Variants in CARF observed in about 807,000 individuals in gnomAD.
The protein encoded by CARF is calcium-responsive transcription factor.
In CARF, 57 loss-of-function variants were observed where a neutral mutation model predicts 82.0. That is an observed-to-expected ratio of 0.70 (90% CI 0.56 to 0.87). CARF has a LOEUF of 0.87. CARF is among the 40% of genes least tolerant of loss of function. The pLI, the probability that CARF is intolerant of heterozygous loss-of-function variation, is 0.00. For synonymous variants in CARF, 268 were observed against 290.1 expected (o/e 0.92, Z 0.77); for missense variants, 771 against 855.8 (o/e 0.90, Z 1.24).
chr2:202,918,858 T>C (rs1401261160), intron 2 of CARF, among the ~76,000 whole-genome samples: 2 of 152,212 alleles, frequency 1.3e-5, no homozygotes, highest in African/African-American at 4.8e-5. Context: ...GAAACTACTT[T>C]AATATTTTCT....
chr2:202,922,967 C>T (rs946814244), intron 2 of CARF, among the ~76,000 whole-genome samples: 50 of 151,146 alleles, frequency 3.3e-4, no homozygotes, highest in African/African-American at 1.2e-3. Flanking sequence ...GAAGGCCAGG[C>T]GAGGTGGCTC....
rs749820336 is a variant in CARF at position 202,970,040 on chromosome 2, G to A, written c.1075G>A (p.Val359Ile). 3.8e-6 allele frequency: 6 copies of A among 1,570,456 alleles called. No homozygotes were observed. Among genetic ancestry groups the A allele is most frequent in the Admixed American group, 2.1e-5 (1 of 47,270 alleles). The change falls in exon 11 of 17, where the codon GTA becomes ATA. Residue 359 changes from valine to isoleucine, a missense_variant. Transcript: ENST00000438828. ...KAFNMLKKNLVDAGGVLRWYV... is the reference protein window; with the variant it reads ...KAFNMLKKNLIDAGGVLRWYV... ...TTTTAACATGCTAAAGAAGAACTTGGTAGATGCTGGTGGTGTTCTTAGGTA... is the reference window on the plus strand; with the variant it reads ...TTTTAACATGCTAAAGAAGAACTTGATAGATGCTGGTGGTGTTCTTAGGTA...
chr2:202,916,320 A>G (rs1689647026), intron 1 of CARF, among the ~76,000 whole-genome samples: 1 of 152,070 alleles, frequency 6.6e-6, no homozygotes, highest in African/African-American at 2.4e-5. Flanking sequence ...AGCTAGGACT[A>G]TAGGTGCGCA....
In CARF at chr2:202,981,590, G is replaced by T. The variant is rs1454174707; in HGVS notation, c.1594G>T (p.Glu532Ter). The part of the protein sequence containing the change: ...SPGESITTKV[E>*]TNQTRGSLSP... The stretch of plus-strand genomic sequence containing the variant: ...AGGAGAATCAATTACCACCAAAGTG[G>T]AAACAAATCAGACCAGGGGTTCTTT... Residue 532 changes from glutamate to a stop codon, truncating the protein, a stop_gained, in exon 15 of 17, where the codon GAA (glutamate) becomes TAA (stop). Coordinates refer to ENST00000438828, the MANE Select transcript of CARF (RefSeq NM_024744.17). LOFTEE classifies it high-confidence loss of function. The T allele has an allele frequency of 6.2e-7, 1 of 1,606,754 alleles. No homozygotes were observed.
intron 8 of CARF, among the ~76,000 whole-genome samples, chr2:202,956,111 C>A (rs1156854614): frequency 2.0e-5 from 3 of 149,410 alleles, no homozygotes; most frequent in African/African-American, 7.4e-5. Context: ...GTAGAAAATT[C>A]TTCAAGGCTC....
rs762737678 is a variant in CARF, at chr2:202,981,654, C to A, written c.1658C>A (p.Ser553Ter). 6.2e-7 allele frequency: 1 copy of A among 1,611,954 alleles called. No individual in the cohort carries two copies. The highest frequency in any genetic ancestry group is 1.3e-5 in the African/African-American group (1 of 75,006). ...ACCCACTTGCTCTCCTCACTCTCCT[C>A]ATTTCAGCCCAAAATATTTACACAA... ...EPTHLLSSLS[S>*]FQPKIFTQLQ... Residue 553 changes from serine (S) to a stop codon, truncating the protein, a stop_gained, in exon 15 of 17, where the codon TCA (serine) becomes TAA (stop). Coordinates refer to ENST00000438828, the MANE Select transcript of CARF (RefSeq NM_024744.17). LOFTEE classifies it high-confidence loss of function.
intron 2 of CARF, among the ~76,000 whole-genome samples, chr2:202,922,730 G>A (rs144372398): frequency 2.0e-4 from 30 of 151,888 alleles, no homozygotes; most frequent in Admixed American, 7.2e-4. Flanking sequence ...ACTTGAACCC[G>A]GTAGGTGAAG....
chr2:202,918,628 G>C (rs1369124143), intron 2 of CARF, among the ~76,000 whole-genome samples: 1 of 152,190 alleles, frequency 6.6e-6, no homozygotes, highest in Non-Finnish European at 1.5e-5. Context: ...TGACATTCAG[G>C]ATAGTTGGGA....
chr2:202,948,531 G>C (rs1373003136), intron 5 of CARF, among the ~76,000 whole-genome samples: 6 of 151,928 alleles, frequency 3.9e-5, no homozygotes, highest in Non-Finnish European at 7.4e-5. Context: ...TGATTTATTT[G>C]AGCAGTCTTT....
chr2:202,927,539 T>C (rs1056950073), intron 3 of CARF, among the ~76,000 whole-genome samples: 1 of 152,106 alleles, frequency 6.6e-6, no homozygotes, highest in Non-Finnish European at 1.5e-5. Context: ...TTTTTGGCTT[T>C]TTTTCTTTCA....
chr2:202,974,685 G>A (rs539099237), intron 13 of CARF, among the ~76,000 whole-genome samples, 189 bp downstream of exon 13: 35 of 151,860 alleles, frequency 2.3e-4, no homozygotes, highest in African/African-American at 6.3e-4. Flanking sequence ...GATCACCTGC[G>A]GTCAGAAGTT....
intron 13 of CARF, among the ~76,000 whole-genome samples, chr2:202,975,127 A>G (rs1028948438): frequency 2.6e-5 from 4 of 151,836 alleles, no homozygotes; most frequent in African/African-American, 9.7e-5. Flanking sequence ...CCTAACCAAC[A>G]TGGCAAAACC....
chr2:202,968,799 A>G (rs1324391166), intron 10 of CARF, among the ~76,000 whole-genome samples: 2 of 152,256 alleles, frequency 1.3e-5, no homozygotes, highest in Admixed American at 6.5e-5. Context: ...AAAAACTAGT[A>G]GACAACATGA....
chr2:202,952,824 C>A, intron 6 of CARF, 145 bp downstream of exon 6: 1 of 798,186 alleles, frequency 1.3e-6, no homozygotes, highest in East Asian at 2.9e-5. Flanking sequence ...AGCTCTTTGC[C>A]CAAATAAATT....
At chr2:202,922,918 T>C (rs558163524) in intron 2 of CARF, among the ~76,000 whole-genome samples, 1 of 151,960 alleles carries the variant, frequency 6.6e-6, no homozygotes, top group African/African-American at 2.4e-5. Flanking sequence ...TAAAGACTCC[T>C]CCAGAAAGCT....
chr2:202,933,476 C>A (rs912300060), intron 3 of CARF, among the ~76,000 whole-genome samples: 1 of 152,112 alleles, frequency 6.6e-6, no homozygotes, highest in Non-Finnish European at 1.5e-5. Context: ...TGCAGGGAAC[C>A]TCAGTGGTGA....
At chr2:202,951,795 A>G (rs577194562) in intron 5 of CARF, among the ~76,000 whole-genome samples, 50 of 152,014 alleles carry the variant, frequency 3.3e-4, no homozygotes, top group Non-Finnish European at 6.5e-4. Flanking sequence ...ATGCTGAGAT[A>G]CCAAAATAAA....
At chr2:202,944,971 T>C (rs771113526) in intron 5 of CARF, among the ~76,000 whole-genome samples, 2 of 152,184 alleles carry the variant, frequency 1.3e-5, no homozygotes, top group Non-Finnish European at 1.5e-5. Flanking sequence ...TTTACATTGT[T>C]TAGGTAGGCG....
At chr2:202,939,338 A>G (rs2058104446) in intron 3 of CARF, among the ~76,000 whole-genome samples, 1 of 152,204 alleles carries the variant, frequency 6.6e-6, no homozygotes, top group African/African-American at 2.4e-5. Flanking sequence ...TTACATCTGG[A>G]TAAACCCATT....
Sources: gnomAD v4.1 joint callset for allele counts (sites outside exome capture counted in the v4.1 genomes callset) on GRCh38, gnomAD v4.1.1 for gene constraint, MANE v1.5 for transcripts, NCBI Gene and HGNC (gene_info 2026-07-23, HGNC 2026-07-21) for gene names.